The following MDGA2 variants were observed in gnomAD, a reference collection of about 807,000 sequenced individuals.
MDGA2 encodes the protein MAM domain containing glycosylphosphatidylinositol anchor 2.
In MDGA2, 40 loss-of-function variants were observed where a neutral mutation model predicts 117.8. The observed-to-expected ratio is 0.34, with a 90% CI of 0.26 to 0.44. The LOEUF is 0.44. Ranked by LOEUF, MDGA2 falls within the 20% of genes least tolerant of loss-of-function variation. The probability of loss-of-function intolerance (pLI) is 1.00; values close to 1 mark genes in which losing one functional copy is unlikely to be tolerated. For synonymous variants in MDGA2, 452 were observed against 439.0 expected (o/e 1.03, Z -0.37); for missense variants, 1,123 against 1,250.6 (o/e 0.90, Z 1.54).
At chr14:47,284,495 T>A (rs979542321) in intron 2 of MDGA2, among the ~76,000 whole-genome samples, 2 of 152,148 alleles carry the variant, frequency 1.3e-5, no homozygotes, top group African/African-American at 4.8e-5. Flanking sequence ...CCATAGTAGG[T>A]AAGATGGCCT....
At chr14:46,908,656 A>G (rs925302102) in intron 10 of MDGA2, among the ~76,000 whole-genome samples, 2 of 152,156 alleles carry the variant, frequency 1.3e-5, no homozygotes, top group African/African-American at 4.8e-5. Context: ...TTTAAACTGT[A>G]TTCCAGATCT....
At chr14:47,221,851 A>G (rs181488312) in intron 2 of MDGA2, among the ~76,000 whole-genome samples, 1 of 151,974 alleles carries the variant, frequency 6.6e-6, no homozygotes, top group African/African-American at 2.4e-5. Flanking sequence ...ATATGTGTGT[A>G]TATATATTTG....
intron 10 of MDGA2, among the ~76,000 whole-genome samples, chr14:46,910,331 A>G (rs564808154): frequency 9.8e-5 from 15 of 152,304 alleles, no homozygotes; most frequent in South Asian, 4.1e-4. Flanking sequence ...CATTTGAAAA[A>G]AAAGAACAGC....
chr14:47,556,849 T>G (rs1241731841), intron 1 of MDGA2, among the ~76,000 whole-genome samples: 1 of 152,222 alleles, frequency 6.6e-6, no homozygotes, highest in Non-Finnish European at 1.5e-5. Flanking sequence ...TTTAGTATCT[T>G]TATGTGGTGT....
chr14:47,096,418 A>C (rs1879971402), intron 6 of MDGA2, among the ~76,000 whole-genome samples: 1 of 151,954 alleles, frequency 6.6e-6, no homozygotes, highest in African/African-American at 2.4e-5. Context: ...TGTTTGATAG[A>C]TCTCTATATA....
intron 1 of MDGA2, among the ~76,000 whole-genome samples, chr14:47,588,689 CGCTT>C (rs1896379374): frequency 6.6e-6 from 1 of 151,734 alleles, no homozygotes. Context: ...TCCTTTCACT[CGCTT>C]GATGTTGTCC....
At chr14:47,470,141 A>G (rs1456723819) in intron 1 of MDGA2, among the ~76,000 whole-genome samples, 2 of 149,796 alleles carry the variant, frequency 1.3e-5, no homozygotes, top group African/African-American at 2.5e-5. Context: ...GATGCTTTCA[A>G]TTCTGGGTTA....
chr14:47,510,679 G>C lies in MDGA2; in HGVS notation c.280+163838C>G, dbSNP rs1033374893. ...TAGGTGATATAAGGATAAATGGGAA[G>C]CCTTCCAGTGATTTTCCATTGTGAT... On this transcript the variant is annotated intron_variant, in intron 1 of 16. Transcript: ENST00000399232. Among the ~76,000 whole-genome samples the C allele has an allele frequency of 3.9e-5, 6 of 152,214 alleles. No individual in the cohort carries two copies. In the South Asian group the frequency reaches 6.2e-4, roughly 16 times the overall value.
rs534143418 is a variant in MDGA2, at chr14:47,120,929, A to G, written c.925+10785T>C. On this transcript the variant is annotated intron_variant, in intron 5 of 16. Coordinates refer to ENST00000399232, the MANE Select transcript of MDGA2 (RefSeq NM_001113498.3). Reference sequence around the variant, plus strand: ...GAGTTGTGGTACACATGCCTCTGTAATATTAACAGTGGCCCCAAGGCTAAA... The same window carrying G: ...GAGTTGTGGTACACATGCCTCTGTAGTATTAACAGTGGCCCCAAGGCTAAA... Among the ~76,000 whole-genome samples the G allele has an allele frequency of 1.6e-4, 24 of 152,320 alleles. No individual in the cohort carries two copies. In the South Asian group the frequency reaches 1.9e-3, roughly 12 times the overall value.
intron 2 of MDGA2, among the ~76,000 whole-genome samples, chr14:47,288,093 A>G (rs573711778): frequency 6.6e-6 from 1 of 152,026 alleles, no homozygotes; most frequent in African/African-American, 2.4e-5. Context: ...TTTCTTTGTG[A>G]TACTTTCTTA....
At chr14:47,287,250 G>C (rs1177993263) in intron 2 of MDGA2, among the ~76,000 whole-genome samples, 2 of 151,996 alleles carry the variant, frequency 1.3e-5, no homozygotes, top group African/African-American at 2.4e-5. Context: ...AAGCTTTTGG[G>C]AAGAGGTGAC....
intron 1 of MDGA2, among the ~76,000 whole-genome samples, chr14:47,638,178 G>A (rs1355003823): frequency 6.6e-6 from 1 of 152,140 alleles, no homozygotes; most frequent in Non-Finnish European, 1.5e-5. Context: ...TGTGCATTAT[G>A]GGTGTGTGTG....
intron 9 of MDGA2, 141 bp from the exon 10 acceptor site, chr14:46,920,301 G>T: frequency 1.3e-6 from 1 of 754,842 alleles, no homozygotes; most frequent in Non-Finnish European, 2.0e-6. Context: ...GATATGTTTT[G>T]AGAACAGATG....
Position 47,207,496 on chromosome 14 carries a change from A to G in MDGA2, c.595+10525T>C, listed in dbSNP as rs1036111868. On this transcript the variant is annotated intron_variant, in intron 3 of 16. Transcript: ENST00000399232. ...TTTTGCAGGAACCAGGTGTGAAGTG[A>G]TGAGAGACTGGAATAAGATAGTGGA... Among the ~76,000 whole-genome samples, 4 of 151,938 alleles carry G rather than the reference A, an allele frequency of 2.6e-5. No individual in the cohort carries two copies. In the South Asian group the frequency reaches 8.3e-4, roughly 31 times the overall value.
At chr14:47,123,245 A>C (rs566156342) in intron 5 of MDGA2, among the ~76,000 whole-genome samples, 4 of 152,186 alleles carry the variant, frequency 2.6e-5, no homozygotes, top group Non-Finnish European at 4.4e-5. Flanking sequence ...GAAATACAAA[A>C]ATTTCATTGG....
intron 1 of MDGA2, among the ~76,000 whole-genome samples, chr14:47,349,870 C>G (rs992200100): frequency 6.6e-6 from 1 of 152,188 alleles, no homozygotes; most frequent in Admixed American, 6.5e-5. Flanking sequence ...TTAACCTGGC[C>G]CTCCTTTGCC....
At chr14:47,434,078 C>CA (rs560700449) in intron 1 of MDGA2, among the ~76,000 whole-genome samples, 27 of 151,828 alleles carry the variant, frequency 1.8e-4, no homozygotes, top group African/African-American at 6.0e-4. Flanking sequence ...ACTCTGATAG[C>CA]AAAAAAATAA....
chr14:47,286,803 T>TTATATATATATATATATATATATATA (rs34614614), intron 2 of MDGA2, among the ~76,000 whole-genome samples: 1 of 130,038 alleles, frequency 7.7e-6, no homozygotes, highest in African/African-American at 3.2e-5. Flanking sequence ...AGGCATATCA[T>TTATATATATATATATATATATATATA]TATATATATA....
intron 1 of MDGA2, among the ~76,000 whole-genome samples, chr14:47,373,109 T>C (rs184601010): frequency 5.7e-4 from 86 of 152,210 alleles, no homozygotes; most frequent in Admixed American, 1.5e-3. Context: ...AAGAACAGTA[T>C]AGAATATGGA....
Sources: allele counts gnomAD v4.1 joint callset (sites outside exome capture counted in the v4.1 genomes callset), GRCh38; gene constraint gnomAD v4.1.1; transcripts MANE v1.5; gene names NCBI Gene and HGNC (gene_info 2026-07-23, HGNC 2026-07-21).